ARHGAP26: variants seen among roughly 807,000 people sequenced by gnomAD.
ARHGAP26 encodes the protein Rho GTPase activating protein 26.
ARHGAP26 carries 38 observed loss-of-function variants against 104.8 expected under a neutral mutation model. That is an observed-to-expected ratio of 0.36 (90% CI 0.28 to 0.48). ARHGAP26 has a LOEUF of 0.48. Among genes scored for constraint, ARHGAP26 ranks in the 20% least tolerant of loss-of-function variants. ARHGAP26 has a pLI of 0.99. For missense variants in ARHGAP26, 704 were observed against 947.9 expected, an observed-to-expected ratio of 0.74 and a Z score of 3.38; for synonymous variants, 341 against 340.0, an observed-to-expected ratio of 1.00 and a Z score of -0.03.
chr5:142,971,149 A>G (rs1772207992), intron 11 of ARHGAP26, among the ~76,000 whole-genome samples: 1 of 152,094 alleles, frequency 6.6e-6, no homozygotes, highest in Non-Finnish European at 1.5e-5. Context: ...GGGTCTATGT[A>G]TTTGGTACAT....
At chr5:143,085,099 T>C (rs1472209017) in intron 17 of ARHGAP26, among the ~76,000 whole-genome samples, 1 of 148,942 alleles carries the variant, frequency 6.7e-6, no homozygotes, top group Admixed American at 6.7e-5. Context: ...GAGTTTCCTC[T>C]CCCTCACCCC....
chr5:142,876,853 A>C (rs1194590917), intron 3 of ARHGAP26, among the ~76,000 whole-genome samples: 1 of 150,430 alleles, frequency 6.6e-6, no homozygotes, highest in Non-Finnish European at 1.5e-5. Flanking sequence ...CTTTTGCCCT[A>C]CGGAAAGACC....
chr5:143,191,403 A>T (rs905196058), intron 20 of ARHGAP26, among the ~76,000 whole-genome samples: 5 of 152,202 alleles, frequency 3.3e-5, no homozygotes, highest in African/African-American at 4.8e-5. Flanking sequence ...AGATCTTGGG[A>T]AAATATATGC....
intron 4 of ARHGAP26, among the ~76,000 whole-genome samples, chr5:142,883,126 T>TC (rs1757236577): frequency 6.6e-6 from 1 of 152,208 alleles, no homozygotes; most frequent in Non-Finnish European, 1.5e-5. Flanking sequence ...CTTATTTTTT[T>TC]CTCTAACTTT....
At chr5:143,058,309 GC>G (rs1298450621) in intron 17 of ARHGAP26, 1 of 239,132 alleles carries the variant, frequency 4.2e-6, no homozygotes, top group Admixed American at 5.1e-5. Context: ...ATGCATTAAA[GC>G]CTTTGAAGAA....
chr5:142,801,707 T>C (rs1401806667), intron 1 of ARHGAP26, among the ~76,000 whole-genome samples: 1 of 144,412 alleles, frequency 6.9e-6, no homozygotes. Flanking sequence ...AGCCCCCGCC[T>C]TTGGCTGCTC....
chr5:142,949,257 G>C (rs1767917133), intron 11 of ARHGAP26, among the ~76,000 whole-genome samples: 1 of 135,184 alleles, frequency 7.4e-6, no homozygotes, highest in Non-Finnish European at 1.5e-5. Flanking sequence ...GAGAGAGAGA[G>C]TTGAGAATAG....
chr5:143,207,529 C>G lies in ARHGAP26; in HGVS notation c.2099+221C>G. 6 of 1,590,242 alleles carry G rather than the reference C, an allele frequency of 3.8e-6. No homozygotes were observed. The South Asian group carries it at 6.8e-5, about 18-fold the overall frequency. ...CCGTTTATCCAAAGCTGGCCAGGGA[C>G]AACAGGGGGCTGCCCCTGCTCTCCT... On this transcript the variant is annotated intron_variant, in intron 21 of 22. Coordinates refer to ENST00000645722, the MANE Select transcript of ARHGAP26 (RefSeq NM_001135608.3).
At chr5:143,164,589 C>T (rs759378674) in intron 20 of ARHGAP26, among the ~76,000 whole-genome samples, 3 of 152,144 alleles carry the variant, frequency 2.0e-5, no homozygotes, top group Non-Finnish European at 4.4e-5. Flanking sequence ...GCTCTTCTTC[C>T]GCCTCCAGGA....
At chr5:142,879,108 C>T (rs1324765842) in intron 3 of ARHGAP26, among the ~76,000 whole-genome samples, 1 of 152,212 alleles carries the variant, frequency 6.6e-6, no homozygotes, top group African/African-American at 2.4e-5. Context: ...TTCAGAGGAT[C>T]GCTTACAGTT....
At chr5:142,778,433 C>G (rs1756805679) in intron 1 of ARHGAP26, among the ~76,000 whole-genome samples, 1 of 152,082 alleles carries the variant, frequency 6.6e-6, no homozygotes, top group Non-Finnish European at 1.5e-5. Flanking sequence ...TTTTTCTTGT[C>G]CTTTTTCTGC....
In ARHGAP26 at chr5:143,171,912, AT is replaced by A. The variant is rs553326526; in HGVS notation, c.1988+24540del. On this transcript the variant is annotated intron_variant, in intron 20 of 22. Transcript: ENST00000645722. ...GATTTGGGATTTGAACTTCCTCTGC[AT>A]TTTTTTTTGTTTCCTTCCTTTTATT... 3.5e-3 allele frequency among the ~76,000 whole-genome samples: 528 copies of A among 151,160 alleles called. 3 individuals are homozygous for A. The highest frequency in any genetic ancestry group is 0.012 in the African/African-American group (509 of 41,224).
At chr5:142,975,588 A>G (rs1772950604) in intron 11 of ARHGAP26, among the ~76,000 whole-genome samples, 1 of 152,152 alleles carries the variant, frequency 6.6e-6, no homozygotes, top group East Asian at 1.9e-4. Context: ...AACTATAAAG[A>G]TGATCCCTGA....
intron 17 of ARHGAP26, among the ~76,000 whole-genome samples, chr5:143,101,805 A>G (rs1485435864): frequency 6.6e-6 from 1 of 152,064 alleles, no homozygotes; most frequent in Non-Finnish European, 1.5e-5. Flanking sequence ...TTAACTGGAC[A>G]AGATAGGGAG....
intron 1 of ARHGAP26, among the ~76,000 whole-genome samples, chr5:142,829,328 C>G (rs932393263): frequency 4.6e-5 from 7 of 152,214 alleles, no homozygotes; most frequent in African/African-American, 1.4e-4. Context: ...TCTGGCCACC[C>G]CATGTATGTG....
At chr5:142,824,751 A>G (rs1197166597) in intron 1 of ARHGAP26, among the ~76,000 whole-genome samples, 3 of 152,174 alleles carry the variant, frequency 2.0e-5, no homozygotes, top group African/African-American at 7.2e-5. Flanking sequence ...ATCCAAACAC[A>G]ATGCATTGAC....
chr5:143,136,060 G>A (rs893673884), intron 19 of ARHGAP26, among the ~76,000 whole-genome samples: 5 of 152,230 alleles, frequency 3.3e-5, no homozygotes, highest in African/African-American at 1.2e-4. Flanking sequence ...TCAGTGTACG[G>A]TGTAGATTAG....
chr5:142,920,600 A>G (rs368293725), intron 10 of ARHGAP26, among the ~76,000 whole-genome samples: 5 of 152,184 alleles, frequency 3.3e-5, no homozygotes, highest in African/African-American at 1.2e-4. Context: ...ACTCTCACCA[A>G]TGTCCATACA....
chr5:143,100,813 A>G (rs529843425), intron 17 of ARHGAP26, among the ~76,000 whole-genome samples: 1 of 152,338 alleles, frequency 6.6e-6, no homozygotes, highest in East Asian at 1.9e-4. Flanking sequence ...AATAGAGGCC[A>G]TGCACGGTGG....
Sources: allele counts gnomAD v4.1 joint callset (sites outside exome capture counted in the v4.1 genomes callset), GRCh38; gene constraint gnomAD v4.1.1; transcripts MANE v1.5; gene names NCBI Gene and HGNC (gene_info 2026-07-23, HGNC 2026-07-21).